SNX6: variants seen among roughly 807,000 people sequenced by gnomAD.
SNX6 encodes sorting nexin 6.
Under a neutral mutation model 63.0 loss-of-function variants are expected in SNX6, and 34 were observed. That is an observed-to-expected ratio of 0.54 (90% CI 0.41 to 0.72). The LOEUF (loss-of-function observed/expected upper bound fraction) is 0.72. SNX6 is among the 30% of genes least tolerant of loss of function. The pLI is 0.00. For synonymous variants in SNX6, 170 were observed against 164.2 expected (o/e 1.04, Z -0.27); for missense variants, 398 against 471.4 (o/e 0.84, Z 1.44).
rs564927443 is a variant in SNX6, at chr14:34,619,992, T to C, written c.54+9915A>G. On this transcript the variant is annotated intron_variant, in intron 2 of 13. Transcript: ENST00000362031. ...CTCTCAAATGCTGGGATTACAGGCA[T>C]GAGCCACCTGACCTCAAGATCAATA... Among the ~76,000 whole-genome samples the C allele has an allele frequency of 1.1e-4, 16 of 152,294 alleles. No individual in the cohort carries two copies. The South Asian group carries it at 2.5e-3, about 24-fold the overall frequency.
chr14:34,563,139 A>T lies in SNX6; in HGVS notation c.1204T>A (p.Leu402Ile), dbSNP rs1316679947. ...AGTGTGGCTTATGTGTCTCCATTTA[A>T]CACTGCCAGGCAGTTCTGCAGCAAC... ...LQLLQNCLAV[L>I]NGDT The change falls in exon 14 of 14, where the codon TTA becomes ATA. Residue 402 changes from leucine (L) to isoleucine (I), a missense_variant. Transcript: ENST00000362031. The T allele has an allele frequency of 6.2e-7, 1 of 1,613,974 alleles. No homozygotes were observed. The highest frequency in any genetic ancestry group is 8.5e-7 in the Non-Finnish European group (1 of 1,179,998).
intron 2 of SNX6, among the ~76,000 whole-genome samples, chr14:34,611,142 G>A (rs184220408): frequency 1.5e-4 from 23 of 152,160 alleles, no homozygotes; most frequent in African/African-American, 5.1e-4. Flanking sequence ...ATAGTCGTGC[G>A]CCCCCACATC....
intron 6 of SNX6, among the ~76,000 whole-genome samples, chr14:34,600,673 G>C (rs575588827): frequency 6.6e-6 from 1 of 152,174 alleles, no homozygotes; most frequent in East Asian, 1.9e-4. Context: ...CCAAACACAG[G>C]TTCCAAGATT....
intron 6 of SNX6, among the ~76,000 whole-genome samples, chr14:34,599,468 G>A (rs1383169197): frequency 6.6e-6 from 1 of 152,046 alleles, no homozygotes; most frequent in South Asian, 2.1e-4. Context: ...CTAGCTGGGC[G>A]TCGTGGCATC....
chr14:34,623,274 GA>G (rs924503776), intron 2 of SNX6, among the ~76,000 whole-genome samples: 84 of 151,688 alleles, frequency 5.5e-4, no homozygotes, highest in African/African-American at 1.8e-3. Context: ...AGGTGAGGGG[GA>G]AAAAAAACAC....
rs928328133 is a variant in SNX6, at chr14:34,562,179, T to G, written c.*943A>C. 2 of 151,582 alleles carry G rather than the reference T, an allele frequency of 1.3e-5. No homozygotes were observed. Among genetic ancestry groups the G allele is most frequent in the Non-Finnish European group, 2.9e-5 (2 of 67,962 alleles). 9.4% of individuals were successfully genotyped at this position (151,582 alleles called of 1,614,324 possible). A position where few individuals can be genotyped will look rare whatever the true frequency, so the allele number is the denominator to read the frequency against. On this transcript the variant is annotated 3_prime_UTR_variant, in exon 14 of 14. Coordinates refer to ENST00000362031, the MANE Select transcript of SNX6 (RefSeq NM_152233.4). The stretch of plus-strand genomic sequence containing the variant: ...AAGTGGCTCAATGGCCTATGTCTCA[T>G]GCTTAATTGGCTGAGCTAGGCGCGG...
At chr14:34,579,766 C>T (rs183467783) in intron 10 of SNX6, among the ~76,000 whole-genome samples, 126 of 150,844 alleles carry the variant, frequency 8.4e-4, no homozygotes, top group African/African-American at 2.9e-3. Flanking sequence ...GGCAGAATGA[C>T]TGCCTGAGGC....
intron 10 of SNX6, among the ~76,000 whole-genome samples, chr14:34,580,575 G>A (rs552465232): frequency 7.9e-5 from 12 of 152,174 alleles, no homozygotes; most frequent in Admixed American, 5.2e-4. Flanking sequence ...ATGGCATTAT[G>A]GGCGTGACCC....
At chr14:34,621,382 C>T (rs1883615432) in intron 2 of SNX6, among the ~76,000 whole-genome samples, 1 of 152,172 alleles carries the variant, frequency 6.6e-6, no homozygotes. Flanking sequence ...CCATTCTCAA[C>T]TAATAATTCC....
chr14:34,620,935 C>T (rs1021309489), intron 2 of SNX6, among the ~76,000 whole-genome samples: 1 of 151,410 alleles, frequency 6.6e-6, no homozygotes, highest in Non-Finnish European at 1.5e-5. Flanking sequence ...AAGTGAGACT[C>T]CCTCAAAAAA....
chr14:34,607,134 A>G (rs1341973261), intron 4 of SNX6, among the ~76,000 whole-genome samples: 2 of 152,164 alleles, frequency 1.3e-5, no homozygotes, highest in African/African-American at 4.8e-5. Context: ...CCCTAGGACA[A>G]GCCCATTTCA....
intron 2 of SNX6, among the ~76,000 whole-genome samples, chr14:34,617,400 G>C (rs1216215973): frequency 6.6e-6 from 1 of 152,072 alleles, no homozygotes; most frequent in East Asian, 1.9e-4. Context: ...AGTACGTTGG[G>C]AGGCCAAGGC....
Position 34,620,720 on chromosome 14 carries a change from C to T in SNX6, c.54+9187G>A, listed in dbSNP as rs546112999. ...CTTTGGGAGGCTGAGGCAGGAGGATCACTTGAGGCCAGGAGTTTGAGACCA... is the reference window on the plus strand; with the variant it reads ...CTTTGGGAGGCTGAGGCAGGAGGATTACTTGAGGCCAGGAGTTTGAGACCA... On this transcript the variant is annotated intron_variant, in intron 2 of 13. Coordinates refer to ENST00000362031, the MANE Select transcript of SNX6 (RefSeq NM_152233.4). 3.9e-5 allele frequency among the ~76,000 whole-genome samples: 6 copies of T among 151,952 alleles called. No homozygotes were observed. The South Asian group carries it at 1.2e-3, about 32-fold the overall frequency.
chr14:34,602,862 G>C (rs913000752), intron 6 of SNX6, among the ~76,000 whole-genome samples: 2 of 151,210 alleles, frequency 1.3e-5, no homozygotes, highest in African/African-American at 4.9e-5. Context: ...TGTAGTCCCA[G>C]CTACTCGGGA....
intron 2 of SNX6, among the ~76,000 whole-genome samples, chr14:34,613,805 A>G (rs1458101877): frequency 6.6e-6 from 1 of 150,896 alleles, no homozygotes; most frequent in African/African-American, 2.4e-5. Flanking sequence ...AAACAAAAAC[A>G]AAAACAAAAA....
intron 6 of SNX6, among the ~76,000 whole-genome samples, chr14:34,601,271 G>A (rs1230176585): frequency 1.3e-5 from 2 of 149,928 alleles, no homozygotes; most frequent in African/African-American, 2.5e-5. Flanking sequence ...TGTCACCCAG[G>A]CTGGAATGCA....
intron 2 of SNX6, among the ~76,000 whole-genome samples, chr14:34,617,705 A>G (rs1469218712): frequency 1.3e-5 from 2 of 150,780 alleles, no homozygotes; most frequent in Admixed American, 6.6e-5. Context: ...GCGGATCACG[A>G]GGTCAGGGGA....
chr14:34,574,584 A>C (rs1450389326), intron 11 of SNX6, among the ~76,000 whole-genome samples: 2 of 136,574 alleles, frequency 1.5e-5, no homozygotes, highest in Non-Finnish European at 3.1e-5. Context: ...CAGAAGGAAG[A>C]GGTTACAGTT....
intron 2 of SNX6, among the ~76,000 whole-genome samples, chr14:34,616,415 G>C (rs1883421406): frequency 6.6e-6 from 1 of 152,082 alleles, no homozygotes; most frequent in South Asian, 2.1e-4. Flanking sequence ...TGCTACCCAG[G>C]TTGGAATGCG....
Sources: gnomAD v4.1 joint callset for allele counts (sites outside exome capture counted in the v4.1 genomes callset) on GRCh38, gnomAD v4.1.1 for gene constraint, MANE v1.5 for transcripts, NCBI Gene and HGNC (gene_info 2026-07-23, HGNC 2026-07-21) for gene names.